Variants in ASB4 observed in about 807,000 individuals in gnomAD.
ASB4 encodes the protein ankyrin repeat and SOCS box containing 4.
Under a neutral mutation model 38.6 loss-of-function variants are expected in ASB4, and 35 were observed. That is an observed-to-expected ratio of 0.91 (90% CI 0.69 to 1.20). The LOEUF (loss-of-function observed/expected upper bound fraction) is 1.20. Among genes scored for constraint, ASB4 ranks in the 50% most tolerant of loss-of-function variants. The pLI is 0.00. For missense variants in ASB4, 557 were observed against 527.2 expected (o/e 1.06, Z -0.55); for synonymous variants, 195 against 201.3 (o/e 0.97, Z 0.26).
At chr7:95,487,822 G>A (rs1790114163) in intron 1 of ASB4, among the ~76,000 whole-genome samples, 1 of 152,112 alleles carries the variant, frequency 6.6e-6, no homozygotes, top group Non-Finnish European at 1.5e-5. Context: ...CTCTGGAAAA[G>A]GAAAAGAACA....
At chr7:95,498,360 G>C (rs1302221241) in intron 2 of ASB4, among the ~76,000 whole-genome samples, 4 of 152,124 alleles carry the variant, frequency 2.6e-5, no homozygotes, top group Non-Finnish European at 5.9e-5. Context: ...CCCTCTACTG[G>C]GGGGTAGATC....
chr7:95,535,282 T>C (rs966936842), intron 3 of ASB4, among the ~76,000 whole-genome samples: 2 of 152,134 alleles, frequency 1.3e-5, no homozygotes, highest in Non-Finnish European at 2.9e-5. Flanking sequence ...CAGTAATAGG[T>C]TGAGGTTGAT....
upstream of ASB4, among the ~76,000 whole-genome samples, chr7:95,473,511 C>T (rs142282671): frequency 5.8e-4 from 89 of 152,266 alleles, no homozygotes; most frequent in African/African-American, 1.9e-3. Context: ...TGCTAGACCT[C>T]GTACTGTTTG....
chr7:95,487,939 A>G (rs1355961610), intron 1 of ASB4, among the ~76,000 whole-genome samples: 2 of 152,226 alleles, frequency 1.3e-5, no homozygotes, highest in Non-Finnish European at 2.9e-5. Context: ...TCATGTGTAG[A>G]AAGAAACACA....
chr7:95,524,558 C>A lies in ASB4; in HGVS notation c.488-3255C>A, dbSNP rs1302565431. Among the ~76,000 whole-genome samples, 3 of 152,004 alleles carry A rather than the reference C, an allele frequency of 2.0e-5. No homozygotes were observed. The East Asian group carries it at 5.8e-4, about 29-fold the overall frequency. ...GTAACGTATGTTATGTGTTATGGGT[C>A]GAATTGTGCGCCACCCCCCAAAACA... On this transcript the variant is annotated intron_variant, in intron 2 of 4. Transcript: ENST00000325885.
At chr7:95,514,108 C>T (rs1585808996) in intron 2 of ASB4, among the ~76,000 whole-genome samples, 1 of 152,208 alleles carries the variant, frequency 6.6e-6, no homozygotes, top group Non-Finnish European at 1.5e-5. Context: ...CATTCTCTCT[C>T]AGTTACACTG....
intron 1 of ASB4, among the ~76,000 whole-genome samples, chr7:95,490,541 A>AGT (rs1315241043): frequency 6.6e-6 from 1 of 152,252 alleles, no homozygotes; most frequent in East Asian, 1.9e-4. Flanking sequence ...AGCCACGAGC[A>AGT]GTGTGTGTAA....
chr7:95,509,763 C>T (rs1267354844), intron 2 of ASB4, among the ~76,000 whole-genome samples: 1 of 152,072 alleles, frequency 6.6e-6, no homozygotes, highest in African/African-American at 2.4e-5. Flanking sequence ...GTGGCTATGT[C>T]AGGTACTTGA....
the ASB4 span, among the ~76,000 whole-genome samples, chr7:95,473,029 A>G: frequency 1.3e-5 from 2 of 152,320 alleles, no homozygotes; most frequent in Admixed American, 1.3e-4. Context: ...GCAAGTTTCC[A>G]TGGAGTCGGT....
the ASB4 span, among the ~76,000 whole-genome samples, chr7:95,470,961 C>T: frequency 6.6e-6 from 1 of 152,154 alleles, no homozygotes; most frequent in African/African-American, 2.4e-5. Context: ...CTTTGTTTTC[C>T]TTCAGAGCCC....
chr7:95,532,701 A>C (rs955745665), intron 3 of ASB4, among the ~76,000 whole-genome samples: 1 of 152,110 alleles, frequency 6.6e-6, no homozygotes, highest in African/African-American at 2.4e-5. Flanking sequence ...AGGCAGGAAG[A>C]CTTACCTTGA....
chr7:95,501,301 G>T (rs537401187), intron 2 of ASB4, among the ~76,000 whole-genome samples: 34 of 152,258 alleles, frequency 2.2e-4, no homozygotes, highest in Admixed American at 9.2e-4. Context: ...TGTAAAGGGG[G>T]CCATGCCTTT....
Position 95,485,946 on chromosome 7 carries a change from A to G in ASB4, c.-26A>G, listed in dbSNP as rs1790082260. On this transcript the variant is annotated 5_prime_UTR_variant, in exon 1 of 5. Transcript: ENST00000325885. ...GGTGCTGTTCTCTCGATAAATCACA[A>G]CAAAGCTTCCAGAGGGAGAGGAAGG... 1 of 1,607,772 alleles carries G rather than the reference A, an allele frequency of 6.2e-7. No individual in the cohort carries two copies. Among genetic ancestry groups the G allele is most frequent in the Non-Finnish European group, 8.5e-7 (1 of 1,176,242 alleles).
intron 1 of ASB4, among the ~76,000 whole-genome samples, chr7:95,494,776 A>T (rs187746935): frequency 1.2e-4 from 19 of 152,328 alleles, no homozygotes; most frequent in African/African-American, 4.6e-4. Context: ...ATTTATAGAA[A>T]AAAGACCAGC....
chr7:95,535,634 C>T (rs1180669994), intron 3 of ASB4, among the ~76,000 whole-genome samples: 1 of 152,176 alleles, frequency 6.6e-6, no homozygotes, highest in African/African-American at 2.4e-5. Context: ...AATGTTAAAG[C>T]TAAATCTTTC....
intron 2 of ASB4, among the ~76,000 whole-genome samples, chr7:95,501,073 T>G (rs1023377057): frequency 6.6e-6 from 1 of 152,180 alleles, no homozygotes. Context: ...CTTTTTATTT[T>G]TAAGAGTTTA....
chr7:95,507,058 T>A (rs1272359838), intron 2 of ASB4, among the ~76,000 whole-genome samples: 2 of 152,142 alleles, frequency 1.3e-5, no homozygotes, highest in South Asian at 4.1e-4. Flanking sequence ...TGTCTTATAA[T>A]CCTTGGCTGT....
rs1252213703 is a variant in ASB4, at chr7:95,485,994, T to C, written c.23T>C (p.Val8Ala). 1 of 1,614,018 alleles carries C rather than the reference T, an allele frequency of 6.2e-7. No homozygotes were observed. Among genetic ancestry groups the C allele is most frequent in the South Asian group, 1.1e-5 (1 of 91,064 alleles). The change falls in exon 1 of 5, where the codon GTC (valine) becomes GCC (alanine). Residue 8 changes from valine (V) to alanine (A), a missense_variant. Val to Ala is a moderately conservative substitution (Grantham distance 64). Transcript: ENST00000325885. ...AGGATGGACGGCACCACTGCCCCTGTCACTAAATCTGGAGCTGCCAAGTTA... is the reference window on the plus strand; with the variant it reads ...AGGATGGACGGCACCACTGCCCCTGCCACTAAATCTGGAGCTGCCAAGTTA... MDGTTAP[V>A]TKSGAAKLVK...
intron 1 of ASB4, among the ~76,000 whole-genome samples, chr7:95,489,622 C>T (rs983897667): frequency 3.3e-5 from 5 of 152,106 alleles, no homozygotes; most frequent in Admixed American, 6.5e-5. Flanking sequence ...CTGGGAATGG[C>T]GGAGATAATG....
Sources: gnomAD v4.1 joint callset for allele counts (sites outside exome capture counted in the v4.1 genomes callset) on GRCh38, gnomAD v4.1.1 for gene constraint, MANE v1.5 for transcripts, NCBI Gene and HGNC (gene_info 2026-07-23, HGNC 2026-07-21) for gene names.